The following SRSF5 variants were observed in gnomAD, a reference collection of about 807,000 sequenced individuals.
SRSF5 encodes serine and arginine rich splicing factor 5.
A neutral mutation model predicts 34.0 loss-of-function variants in SRSF5; 5 were observed. The ratio of observed to expected loss-of-function variants is 0.15; its 90% confidence interval spans 0.08 to 0.31. The LOEUF (loss-of-function observed/expected upper bound fraction) is 0.31. Ranked by LOEUF, SRSF5 falls within the 10% of genes least tolerant of loss-of-function variation. The pLI, the probability that SRSF5 is intolerant of heterozygous loss-of-function variation, is 1.00. For synonymous variants in SRSF5, 164 were observed against 117.7 expected (o/e 1.39, Z -2.55); for missense variants, 223 against 351.4 (o/e 0.63, Z 2.92).
At position 69,770,363 on chromosome 14, in the gene SRSF5, T is replaced by C. The variant is rs565998041; in HGVS notation, c.367-104T>C. ...TGTGGTAAATGCCATGTTTGTACTT[T>C]ATCTAACATCTTCTCTTTCAGTAGT... is the stretch of plus-strand genomic sequence containing the variant. On this transcript the variant is annotated intron_variant, in intron 5 of 7. Coordinates refer to ENST00000557154, the MANE Select transcript of SRSF5 (RefSeq NM_001320214.2). 24 of 1,499,566 alleles carry C rather than the reference T, an allele frequency of 1.6e-5. No individual in the cohort carries two copies. The Middle Eastern group carries it at 1.9e-3, about 120-fold the overall frequency. 92.9% of individuals were successfully genotyped at this position (1,499,566 alleles called of 1,614,324 possible). A position where few individuals can be genotyped will look rare whatever the true frequency, so the allele number is the denominator to read the frequency against.
At chr14:69,767,915 G>T (rs773940223) in intron 1 of SRSF5, 1 of 492,188 alleles carries the variant, frequency 2.0e-6, no homozygotes. Context: ...GGCAGTGGGC[G>T]TTGCGGTTGC....
Position 69,771,157 on chromosome 14 carries a change from A to T in SRSF5, c.552-37A>T, listed in dbSNP as rs766174819. 9 of 1,613,212 alleles carry T rather than the reference A, an allele frequency of 5.6e-6. No individual in the cohort carries two copies. The Admixed American group carries it at 8.4e-5, about 15-fold the overall frequency. ...GTTGTATTTAATGGGTTTGTTGTAG[A>T]GTCTTATCTAGGCTGATTTCTTTTC... On this transcript the variant is annotated intron_variant, in intron 7 of 7. Coordinates refer to ENST00000557154, the MANE Select transcript of SRSF5 (RefSeq NM_001320214.2).
intron 5 of SRSF5, chr14:69,769,852 C>T: frequency 7.9e-7 from 1 of 1,260,510 alleles, no homozygotes; most frequent in Non-Finnish European, 1.0e-6. Context: ...TCCTTGGTAA[C>T]TGCTCGAGTA....
chr14:69,768,331 G>T, intron 2 of SRSF5, 49 bp downstream of exon 2: 7 of 1,606,324 alleles, frequency 4.4e-6, no homozygotes, highest in Non-Finnish European at 6.0e-6. Context: ...GTAGAGTTTT[G>T]ATAAGCAGTT....
rs768645508 is a variant in SRSF5, at chr14:69,771,361, A to G, written c.719A>G (p.Gln240Arg). ...VSRSPVPEKS[Q>R]KRGSSSRSKS... is the part of the protein sequence containing the mutation. ...AGGTCTCCCGTGCCTGAGAAGAGCCAGAAACGTGGTTCTTCAAGTAGATCT... is the reference window on the plus strand; with the variant it reads ...AGGTCTCCCGTGCCTGAGAAGAGCCGGAAACGTGGTTCTTCAAGTAGATCT... Residue 240 changes from glutamine to arginine, a missense_variant, in exon 8 of 8, where the codon CAG (glutamine) becomes CGG (arginine). This residue lies in a region of SRSF5 where 115 missense variants were observed against 119.7 expected (regional missense o/e 0.96). Transcript: ENST00000557154. The G allele has an allele frequency of 1.2e-6, 2 of 1,614,240 alleles. No individual in the cohort carries two copies. The highest frequency in any genetic ancestry group is 1.3e-5 in the African/African-American group (1 of 75,048).
chr14:69,770,164 T>C, intron 5 of SRSF5: 1 of 1,090,376 alleles, frequency 9.2e-7, no homozygotes, highest in African/African-American at 1.6e-5. Flanking sequence ...TACTGTTTCC[T>C]TTTTTGTTGT....
At position 69,771,183 on chromosome 14, in the gene SRSF5, A is replaced by G. The variant is rs758559882; in HGVS notation, c.552-11A>G. The G allele has an allele frequency of 7.4e-6, 12 of 1,613,674 alleles. No individual in the cohort carries two copies. The highest frequency in any genetic ancestry group is 9.3e-6 in the Non-Finnish European group (11 of 1,179,792). ...GTCTTATCTAGGCTGATTTCTTTTC[A>G]TTTTTCATAGTAGGTCAAGAAGCAG... On this transcript the variant is annotated splice_polypyrimidine_tract_variant and intron_variant, in intron 7 of 7. Coordinates refer to ENST00000557154, the MANE Select transcript of SRSF5 (RefSeq NM_001320214.2).
chr14:69,769,796 G>C, intron 5 of SRSF5: 4 of 1,350,970 alleles, frequency 3.0e-6, no homozygotes, highest in Non-Finnish European at 3.8e-6. Flanking sequence ...AGAGTTGAAA[G>C]ATACGAAATT....
intron 5 of SRSF5, chr14:69,769,649 T>C: frequency 6.5e-7 from 1 of 1,531,956 alleles, no homozygotes; most frequent in Non-Finnish European, 8.7e-7. Context: ...AGATCTGTGT[T>C]TGCCGGTCTA....
In SRSF5 at chr14:69,771,658, T is replaced by G. The variant is rs1422033712; in HGVS notation, c.*197T>G. 1.6e-6 allele frequency: 1 copy of G among 622,394 alleles called. No homozygotes were observed. The highest frequency in any genetic ancestry group is 2.7e-6 in the Non-Finnish European group (1 of 369,592). 38.6% of individuals were successfully genotyped at this position (622,394 alleles called of 1,614,324 possible). A position where few individuals can be genotyped will look rare whatever the true frequency, so the allele number is the denominator to read the frequency against. On this transcript the variant is annotated 3_prime_UTR_variant, in exon 8 of 8. Transcript: ENST00000557154. ...TGTTGAAAACTAATTGTATTAAATGTCTTTTGATAAGCCTTCTGCTCACAT... is the reference window on the plus strand; with the variant it reads ...TGTTGAAAACTAATTGTATTAAATGGCTTTTGATAAGCCTTCTGCTCACAT...
intron 5 of SRSF5, chr14:69,770,241 ATC>A: frequency 7.5e-7 from 1 of 1,332,376 alleles, no homozygotes; most frequent in Non-Finnish European, 9.6e-7. Context: ...TAATGTTAAA[ATC>A]TGAATTTCTT....
chr14:69,769,426 G>C (rs1429504270), intron 5 of SRSF5, 175 bp downstream of exon 5: 1 of 1,521,614 alleles, frequency 6.6e-7, no homozygotes, highest in Non-Finnish European at 8.8e-7. Context: ...TTTAATATTA[G>C]TGATCAAATG....
Position 69,768,270 on chromosome 14 carries a change from C to G in SRSF5, c.114C>G (p.Gly38=), listed in dbSNP as rs760100677. Reference sequence around the variant, plus strand: ...TAAGAGATATTGATCTGAAAAGAGGCTTTGGTTTTGTGGTAAGTATTTAGA... The same window carrying G: ...TAAGAGATATTGATCTGAAAAGAGGGTTTGGTTTTGTGGTAAGTATTTAGA... ...GRIRDIDLKR[G]FGFVEFEDPR... is the part of the protein sequence containing the mutation. The change falls in exon 2 of 8, where the codon GGC becomes GGG. Residue 38 remains glycine (G), a synonymous_variant. Coordinates refer to ENST00000557154, the MANE Select transcript of SRSF5 (RefSeq NM_001320214.2). The G allele has an allele frequency of 2.5e-6, 4 of 1,614,022 alleles. No homozygotes were observed. The highest frequency in any genetic ancestry group is 1.7e-5 in the Admixed American group (1 of 60,002).
At chr14:69,770,363 T>A (rs565998041) in intron 5 of SRSF5, 104 bp from the exon 6 acceptor site, 4 of 1,499,450 alleles carry the variant, frequency 2.7e-6, no homozygotes, top group Non-Finnish European at 3.6e-6. Context: ...GTTTGTACTT[T>A]ATCTAACATC....
chr14:69,767,497 TTAA>T (rs1365970455), intron 1 of SRSF5: 3 of 455,904 alleles, frequency 6.6e-6, no homozygotes, highest in Non-Finnish European at 1.3e-5. Flanking sequence ...CCTGCCAGTC[TTAA>T]TGTCTTCATC....
At position 69,771,569 on chromosome 14, in the gene SRSF5, GT is replaced by G; in HGVS notation, c.*109del. On this transcript the variant is annotated 3_prime_UTR_variant, in exon 8 of 8. Coordinates refer to ENST00000557154, the MANE Select transcript of SRSF5 (RefSeq NM_001320214.2). ...GGTAAGTATGTGCTTTTCTGTGGGG[GT>G]GGGATTTGGAAGGGGGGTTGGGTTG... is the stretch of plus-strand genomic sequence containing the variant. 8.0e-7 allele frequency: 1 copy of G among 1,256,226 alleles called. No homozygotes were observed. The highest frequency in any genetic ancestry group is 1.5e-5 in the South Asian group (1 of 67,586). 77.8% of individuals were successfully genotyped at this position (1,256,226 alleles called of 1,614,324 possible).
chr14:69,767,509 T>C (rs1262343021), intron 1 of SRSF5: 2 of 455,834 alleles, frequency 4.4e-6, no homozygotes, highest in Non-Finnish European at 8.8e-6. Context: ...AATGTCTTCA[T>C]CTCCTGGACA....
Position 69,771,307 on chromosome 14 carries a change from G to C in SRSF5, c.665G>C (p.Arg222Pro). 1 of 1,614,114 alleles carries C rather than the reference G, an allele frequency of 6.2e-7. No homozygotes were observed. Residue 222 changes from arginine to proline, a missense_variant, in exon 8 of 8, where the codon CGG becomes CCG. By Grantham distance (103) the Arg-to-Pro change is moderately radical. Around this residue, in one of 4 missense-constraint regions of SRSF5, gnomAD observed 115 missense variants for 119.7 expected, o/e 0.96. Coordinates refer to ENST00000557154, the MANE Select transcript of SRSF5 (RefSeq NM_001320214.2). Reference sequence around the variant, plus strand: ...CGGTCAAGAAGCAGGAGCAGGAGCCGGAGCCGGAGCAAGTCCCGTTCTGTT... The same window carrying C: ...CGGTCAAGAAGCAGGAGCAGGAGCCCGAGCCGGAGCAAGTCCCGTTCTGTT... ...YSRSRSRSRS[R>P]SRSKSRSVSR...
chr14:69,767,595 C>T (rs1376166407), intron 1 of SRSF5: 1 of 454,264 alleles, frequency 2.2e-6, no homozygotes, highest in Non-Finnish European at 4.4e-6. Context: ...GCCGCAGTGA[C>T]CCCCGAGAAG....
Sources: gnomAD v4.1 joint callset for allele counts on GRCh38, gnomAD v4.1.1 for gene constraint, gnomAD v4.1.1 regional missense constraint, MANE v1.5 for transcripts, NCBI Gene and HGNC (gene_info 2026-07-23, HGNC 2026-07-21) for gene names.